The following RTL4 variants were observed in gnomAD, a reference collection of about 807,000 sequenced individuals.
RTL4 encodes retrotransposon Gag-like protein 4.
A neutral mutation model predicts 5.3 loss-of-function variants in RTL4; 4 were observed. That is an observed-to-expected ratio of 0.75 (90% confidence interval 0.37 to 1.72). The LOEUF (loss-of-function observed/expected upper bound fraction) is 1.72, where lower values mean the gene tolerates loss of function less well. Ranked by LOEUF, RTL4 falls within the 40% of genes most tolerant of loss-of-function variation. The probability of loss-of-function intolerance (pLI) is 0.04; values close to 1 mark genes in which losing one functional copy is unlikely to be tolerated. For synonymous variants in RTL4, 98 were observed against 87.3 expected, an observed-to-expected ratio of 1.12 and a Z score of -0.68; for missense variants, 260 against 227.1, an observed-to-expected ratio of 1.14 and a Z score of -0.93.
chrX:112,450,971 TGTCATGCACTTA>T (rs1170485181), upstream of RTL4, among the ~76,000 whole-genome samples: 1 of 112,051 alleles, frequency 8.9e-6, no homozygotes, highest in Non-Finnish European at 1.9e-5. Flanking sequence ...TGACCTGAAT[TGTCATGCACTTA>T]GTCTTTATCC....
the RTL4 span, among the ~76,000 whole-genome samples, chrX:112,131,277 TC>T: frequency 1.4e-4 from 15 of 109,758 alleles, no homozygotes; most frequent in Admixed American, 2.9e-4. Context: ...GTCAAGCAAT[TC>T]CATTGATAAG....
the RTL4 span, among the ~76,000 whole-genome samples, chrX:112,420,928 G>A: frequency 7.5e-4 from 83 of 110,764 alleles, no homozygotes; most frequent in Non-Finnish European, 1.4e-3. Flanking sequence ...TTTTTCTGCC[G>A]GGTAAAAACC....
At chrX:112,383,764 T>G in the RTL4 span, among the ~76,000 whole-genome samples, 191 of 111,719 alleles carry the variant, frequency 1.7e-3, no homozygotes, top group African/African-American at 5.9e-3. Context: ...ATATAACATG[T>G]TCTCACTTAC....
the RTL4 span, among the ~76,000 whole-genome samples, chrX:112,374,702 C>T: frequency 8.9e-6 from 1 of 112,074 alleles, no homozygotes; most frequent in Non-Finnish European, 1.9e-5. Context: ...CCTTGCACAT[C>T]GTTTGCTAGA....
chrX:112,454,030 T>C (rs986364823), upstream of RTL4, among the ~76,000 whole-genome samples: 1 of 111,836 alleles, frequency 8.9e-6, no homozygotes, highest in Non-Finnish European at 1.9e-5. Context: ...TGTTTTCTTA[T>C]TTGCAAAATT....
the RTL4 span, among the ~76,000 whole-genome samples, chrX:112,326,516 T>C: frequency 1.8e-5 from 2 of 110,301 alleles, no homozygotes; most frequent in African/African-American, 6.6e-5. Context: ...GCCCACGGAG[T>C]CTTTGCTGAT....
At chrX:112,447,603 C>T in the RTL4 span, among the ~76,000 whole-genome samples, 1 of 112,191 alleles carries the variant, frequency 8.9e-6, no homozygotes, top group Non-Finnish European at 1.9e-5. Flanking sequence ...TTAGACAACT[C>T]TTTTTTTATC....
At chrX:112,317,614 T>C in the RTL4 span, among the ~76,000 whole-genome samples, 1 of 111,629 alleles carries the variant, frequency 9.0e-6, no homozygotes, top group South Asian at 3.8e-4. Flanking sequence ...GTGTACCTAC[T>C]TTTAAAGCAC....
At chrX:112,289,023 T>TTGAA in the RTL4 span, among the ~76,000 whole-genome samples, 2 of 111,859 alleles carry the variant, frequency 1.8e-5, no homozygotes, top group South Asian at 3.8e-4. Flanking sequence ...TCAAGATTTG[T>TTGAA]TGAATGAATG....
the RTL4 span, among the ~76,000 whole-genome samples, chrX:112,300,721 A>C: frequency 4.4e-5 from 5 of 112,433 alleles, no homozygotes; most frequent in East Asian, 1.4e-3. Flanking sequence ...CGACAAGATT[A>C]ATTTTTTAAA....
the RTL4 span, among the ~76,000 whole-genome samples, chrX:112,270,348 C>T: frequency 6.2e-5 from 7 of 112,640 alleles, no homozygotes; most frequent in African/African-American, 1.6e-4. Flanking sequence ...GATATAGTCA[C>T]ATATCTGGAT....
chrX:112,181,759 G>A, the RTL4 span, among the ~76,000 whole-genome samples: 2 of 111,882 alleles, frequency 1.8e-5, no homozygotes, highest in African/African-American at 3.3e-5. Context: ...CACAGCTTCA[G>A]CAGACTTAAA....
At chrX:112,417,003 G>A in the RTL4 span, among the ~76,000 whole-genome samples, 2 of 111,780 alleles carry the variant, frequency 1.8e-5, no homozygotes, top group East Asian at 2.8e-4. Flanking sequence ...TCCAAAGGAG[G>A]AGGGTACATA....
At chrX:112,442,330 G>A in the RTL4 span, among the ~76,000 whole-genome samples, 1 of 107,361 alleles carries the variant, frequency 9.3e-6, no homozygotes, top group Non-Finnish European at 1.9e-5. Flanking sequence ...AACCTCCACC[G>A]CCTGAGTTCA....
chrX:112,126,314 T>G, the RTL4 span, among the ~76,000 whole-genome samples: 1 of 112,270 alleles, frequency 8.9e-6, no homozygotes, highest in African/African-American at 3.2e-5. Flanking sequence ...ACCTAAGTGC[T>G]TTGCAAGGCA....
At chrX:112,133,100 A>C in the RTL4 span, among the ~76,000 whole-genome samples, 1 of 112,088 alleles carries the variant, frequency 8.9e-6, no homozygotes, top group Non-Finnish European at 1.9e-5. Context: ...GCATATAGGA[A>C]AGAATGTTGG....
chrX:112,206,188 A>G, the RTL4 span, among the ~76,000 whole-genome samples: 2 of 111,466 alleles, frequency 1.8e-5, no homozygotes, highest in Non-Finnish European at 3.8e-5. Context: ...ATCTCCAGTG[A>G]CAATATTAAA....
the RTL4 span, among the ~76,000 whole-genome samples, chrX:112,232,013 A>G: frequency 8.9e-6 from 1 of 112,390 alleles, no homozygotes; most frequent in Admixed American, 9.4e-5. Flanking sequence ...AAGACATATT[A>G]GTGACAACAA....
the RTL4 span, among the ~76,000 whole-genome samples, chrX:112,434,490 A>G: frequency 9.0e-6 from 1 of 111,408 alleles, no homozygotes; most frequent in African/African-American, 3.3e-5. Flanking sequence ...GAATTTATCC[A>G]TTTCGTCTAG....
Sources: gnomAD v4.1 joint callset for allele counts (sites outside exome capture counted in the v4.1 genomes callset) on GRCh38, gnomAD v4.1.1 for gene constraint, MANE v1.5 for transcripts, NCBI Gene and HGNC (gene_info 2026-07-23, HGNC 2026-07-21) for gene names.